The following EWSR1 variants were observed in gnomAD, a reference collection of about 807,000 sequenced individuals.
EWSR1 encodes EWS RNA binding protein 1, also known as RNA-binding protein EWS.
EWSR1 carries 14 observed loss-of-function variants against 92.1 expected under a neutral mutation model. That is an observed-to-expected ratio of 0.15 (90% CI 0.10 to 0.24). The LOEUF (loss-of-function observed/expected upper bound fraction) is 0.24. EWSR1 is among the 10% of genes least tolerant of loss of function. EWSR1 has a pLI of 1.00. For synonymous variants in EWSR1, 303 were observed against 292.9 expected (o/e 1.03, Z -0.35); for missense variants, 637 against 870.9 (o/e 0.73, Z 3.38).
At chr22:29,277,754 GC>G (rs915538872) in intron 4 of EWSR1, 9 of 399,854 alleles carry the variant, frequency 2.3e-5, no homozygotes, top group Non-Finnish European at 1.8e-5. Flanking sequence ...TCAAGAGGGG[GC>G]AGAAGGAACC....
intron 5 of EWSR1, among the ~76,000 whole-genome samples, chr22:29,280,868 T>TG (rs2059531549): frequency 7.8e-5 from 2 of 25,630 alleles, no homozygotes; most frequent in Non-Finnish European, 1.4e-4. Context: ...TGTTGTTTTT[T>TG]TTTTTTTTTT....
intron 4 of EWSR1, 32 bp from the exon 5 acceptor site, chr22:29,277,998 C>T (rs2059250855): frequency 6.2e-7 from 1 of 1,600,162 alleles, no homozygotes; most frequent in Non-Finnish European, 8.5e-7. Flanking sequence ...CTGAGGGGAC[C>T]TGAAATCTGA....
At chr22:29,277,155 T>G (rs1251586285) in intron 4 of EWSR1, 5 of 225,878 alleles carry the variant, frequency 2.2e-5, no homozygotes, top group Middle Eastern at 1.4e-3. Flanking sequence ...GCAGCATACC[T>G]GTGAAACCAG....
intron 11 of EWSR1, chr22:29,296,008 T>G (rs1602545478): frequency 7.6e-6 from 3 of 395,694 alleles, no homozygotes; most frequent in East Asian, 4.2e-5. Context: ...AAGGCAGGAG[T>G]GGGGCCTATC....
At chr22:29,286,895 T>G in intron 6 of EWSR1, 28 bp from the exon 7 acceptor site, 1 of 1,580,212 alleles carries the variant, frequency 6.3e-7, no homozygotes, top group South Asian at 1.1e-5. Context: ...AAAAAAGCTT[T>G]TTTTTTTTTC....
At chr22:29,288,059 A>G (rs535805217) in intron 7 of EWSR1, among the ~76,000 whole-genome samples, 2 of 152,318 alleles carry the variant, frequency 1.3e-5, no homozygotes, top group East Asian at 1.9e-4. Context: ...GGAAAGGGGG[A>G]AAAATAATCC....
intron 1 of EWSR1, chr22:29,269,386 G>A (rs1006633512): frequency 2.0e-5 from 3 of 152,248 alleles, no homozygotes; most frequent in Non-Finnish European, 4.4e-5. Flanking sequence ...CAAAATGGGA[G>A]TAGAGTGGTC....
chr22:29,299,107 G>A, intron 14 of EWSR1, 127 bp from the exon 15 acceptor site: 6 of 1,553,500 alleles, frequency 3.9e-6, no homozygotes, highest in Non-Finnish European at 5.3e-6. Context: ...GCCTGAGGCT[G>A]TGCCCTAAAG....
intron 12 of EWSR1, among the ~76,000 whole-genome samples, 171 bp from the exon 13 acceptor site, chr22:29,297,656 C>T (rs889350062): frequency 6.6e-6 from 1 of 152,084 alleles, no homozygotes; most frequent in Non-Finnish European, 1.5e-5. Flanking sequence ...GCCCGGGCAA[C>T]AGAGTGAGAC....
At chr22:29,281,035 A>G (rs2059557765) in intron 5 of EWSR1, among the ~76,000 whole-genome samples, 1 of 151,476 alleles carries the variant, frequency 6.6e-6, no homozygotes, top group Non-Finnish European at 1.5e-5. Context: ...ACCCACCATG[A>G]TGCCTGGCTA....
chr22:29,274,299 C>T, intron 4 of EWSR1: 1 of 1,613,522 alleles, frequency 6.2e-7, no homozygotes, highest in Non-Finnish European at 8.5e-7. Flanking sequence ...CTATCCTGCT[C>T]ATTCTTGCAT....
intron 4 of EWSR1, chr22:29,277,753 G>A (rs569039618): frequency 1.1e-3 from 436 of 399,314 alleles, no homozygotes; most frequent in Non-Finnish European, 1.5e-3. Context: ...TTCAAGAGGG[G>A]GCAGAAGGAA....
chr22:29,281,048 T>A (rs973516649), intron 5 of EWSR1, among the ~76,000 whole-genome samples: 1 of 151,244 alleles, frequency 6.6e-6, no homozygotes. Context: ...CCTGGCTAAT[T>A]TTTTGTATTT....
Position 29,298,833 on chromosome 22 carries a change from A to T in EWSR1, c.1518A>T (p.Arg506=). ...GFPPRGPRGS[R]GNPSGGGNVQ... ...CTCCAAGAGGACCCCGGGGTTCCCG[A>T]GGGAACCCCTCTGGAGGAGGAAACG... The change falls in exon 14 of 17, where the codon CGA becomes CGT. Residue 506 remains arginine, a synonymous_variant. Coordinates refer to ENST00000397938, the MANE Select transcript of EWSR1 (RefSeq NM_005243.4). 1 of 1,595,464 alleles carries T rather than the reference A, an allele frequency of 6.3e-7. No homozygotes were observed. Among genetic ancestry groups the T allele is most frequent in the Non-Finnish European group, 8.5e-7 (1 of 1,174,462 alleles).
rs1283728180 is a variant in EWSR1, at chr22:29,292,183, C to G, written c.1045+14C>G. 1 of 1,612,900 alleles carries G rather than the reference C, an allele frequency of 6.2e-7. No individual in the cohort carries two copies. The highest frequency in any genetic ancestry group is 2.2e-5 in the East Asian group (1 of 44,864). The stretch of plus-strand genomic sequence containing the variant: ...ATCTTGATCTAGGTAATTTTGAATT[C>G]TAGTTGTGCTTCATATCGTGCTTTG... On this transcript the variant is annotated intron_variant, in intron 10 of 16. Coordinates refer to ENST00000397938, the MANE Select transcript of EWSR1 (RefSeq NM_005243.4).
intron 14 of EWSR1, 58 bp downstream of exon 14, chr22:29,298,953 C>G (rs1312101586): frequency 1.3e-6 from 2 of 1,483,140 alleles, no homozygotes; most frequent in Non-Finnish European, 1.8e-6. Context: ...TTCCCTCACC[C>G]CATCCCCACT....
intron 15 of EWSR1, 59 bp downstream of exon 15, chr22:29,299,390 T>C (rs1178786805): frequency 4.5e-6 from 7 of 1,566,176 alleles, no homozygotes; most frequent in Middle Eastern, 1.7e-4. Flanking sequence ...TCTTTTCTTA[T>C]TTGTGGGCTT....
intron 15 of EWSR1, 132 bp from the exon 16 acceptor site, chr22:29,299,467 C>T: frequency 2.7e-6 from 4 of 1,484,186 alleles, no homozygotes; most frequent in East Asian, 2.3e-5. Flanking sequence ...AAATTGTCAG[C>T]CCGATGCCGA....
At chr22:29,299,046 G>T (rs187190004) in intron 14 of EWSR1, 151 bp downstream of exon 14, 1 of 1,326,132 alleles carries the variant, frequency 7.5e-7, no homozygotes, top group South Asian at 1.4e-5. Flanking sequence ...TTCACTGGAC[G>T]CTTCAGAGCC....
Sources: allele counts gnomAD v4.1 joint callset (sites outside exome capture counted in the v4.1 genomes callset), GRCh38; gene constraint gnomAD v4.1.1; transcripts MANE v1.5; gene names NCBI Gene and HGNC (gene_info 2026-07-23, HGNC 2026-07-21).